REV3L: variants seen among roughly 807,000 people sequenced by gnomAD.
REV3L encodes DNA polymerase zeta catalytic subunit.
In REV3L, 69 loss-of-function variants were observed where a neutral mutation model predicts 299.4. The observed-to-expected ratio is 0.23, with a 90% CI of 0.19 to 0.28. The LOEUF is 0.28. Among genes scored for constraint, REV3L ranks in the 10% least tolerant of loss-of-function variants. REV3L has a pLI of 1.00. For synonymous variants in REV3L, 1,238 were observed against 1,271.4 expected, an observed-to-expected ratio of 0.97 and a Z score of 0.56; for missense variants, 3,128 against 3,693.8, an observed-to-expected ratio of 0.85 and a Z score of 3.97.
intron 20 of REV3L, chr6:111,349,008 G>GAA (rs35782472): frequency 0.095 from 28,334 of 297,790 alleles, 2 homozygotes; most frequent in Middle Eastern, 0.14. Context: ...TTAGACACAA[G>GAA]AAAAAAAAAA....
At chr6:111,316,572 G>T (rs1210376901) in intron 26 of REV3L, among the ~76,000 whole-genome samples, 1 of 151,306 alleles carries the variant, frequency 6.6e-6, no homozygotes, top group Non-Finnish European at 1.5e-5. Context: ...AGGCTGAGGT[G>T]GGAGAATCGC....
rs908841629 is a variant in REV3L, at chr6:111,372,459, T to C, written c.5759+137A>G. 6 of 580,054 alleles carry C rather than the reference T, an allele frequency of 1.0e-5. No homozygotes were observed. The East Asian group carries it at 2.0e-4, about 19-fold the overall frequency. 35.9% of individuals were successfully genotyped at this position (580,054 alleles called of 1,614,324 possible). A position where few individuals can be genotyped will look rare whatever the true frequency, so the allele number is the denominator to read the frequency against. On this transcript the variant is annotated intron_variant, in intron 13 of 31. Transcript: ENST00000368802. ...AGAAATACTTTCCACAATGATATAC[T>C]TACAAATACGGTATCACAGAAAACT...
intron 26 of REV3L, 92 bp from the exon 27 acceptor site, chr6:111,315,473 A>G (rs1773418000): frequency 1.1e-6 from 1 of 873,520 alleles, no homozygotes; most frequent in Non-Finnish European, 1.8e-6. Flanking sequence ...ACTCTTGTCT[A>G]ATGCCAAAGA....
intron 31 of REV3L, 103 bp downstream of exon 31, chr6:111,307,258 T>A: frequency 1.0e-6 from 1 of 976,244 alleles, no homozygotes; most frequent in Middle Eastern, 3.0e-4. Flanking sequence ...TTCATTTCAC[T>A]TTTCACACCA....
At chr6:111,404,035 C>T (rs1783363572) in intron 4 of REV3L, among the ~76,000 whole-genome samples, 1 of 152,180 alleles carries the variant, frequency 6.6e-6, no homozygotes, top group Admixed American at 6.5e-5. Flanking sequence ...GGTGGATACA[C>T]TAAATAACAG....
In REV3L at chr6:111,430,612, C is replaced by T. The variant is rs752686463; in HGVS notation, c.140-14140G>A. 3.6e-4 allele frequency: 549 copies of T among 1,528,970 alleles called. 1 individual carries two copies. Among genetic ancestry groups the T allele is most frequent in the Non-Finnish European group, 4.6e-4 (511 of 1,105,780 alleles). The allele number at this position is 1,528,970 out of a possible 1,614,324, so 94.7% of individuals were successfully genotyped here. A position where few individuals can be genotyped will look rare whatever the true frequency, so the allele number is the denominator to read the frequency against. On this transcript the variant is annotated intron_variant, in intron 1 of 31. Transcript: ENST00000368802. ...AAGCAGGAAGACAGAACAGACACCT[C>T]GCAGAGTGGGGAGGACAGAGGCTGC...
intron 21 of REV3L, among the ~76,000 whole-genome samples, chr6:111,338,661 C>G (rs972115217): frequency 6.6e-6 from 1 of 151,746 alleles, no homozygotes; most frequent in South Asian, 2.1e-4. Context: ...AAGTCTAATA[C>G]TTTATATACA....
intron 6 of REV3L, among the ~76,000 whole-genome samples, chr6:111,389,641 A>AT (rs1781695531): frequency 2.0e-5 from 3 of 151,732 alleles, no homozygotes; most frequent in African/African-American, 7.3e-5. Flanking sequence ...AGCAATCTTC[A>AT]TAACATTTTG....
intron 1 of REV3L, among the ~76,000 whole-genome samples, chr6:111,440,724 C>G (rs937865661): frequency 5.9e-5 from 9 of 152,172 alleles, no homozygotes; most frequent in South Asian, 4.1e-4. Context: ...TCACCTATAT[C>G]ATGTTCCTTT....
intron 4 of REV3L, among the ~76,000 whole-genome samples, chr6:111,394,238 C>T (rs1352448510): frequency 6.6e-6 from 1 of 152,128 alleles, no homozygotes; most frequent in Non-Finnish European, 1.5e-5. Flanking sequence ...AATGGCTGTA[C>T]TAATTTACAT....
chr6:111,372,401 T>C (rs1330916427), intron 13 of REV3L, among the ~76,000 whole-genome samples, 195 bp downstream of exon 13: 3 of 152,198 alleles, frequency 2.0e-5, no homozygotes, highest in African/African-American at 7.2e-5. Context: ...ACCATCCAGT[T>C]AGTTTTTGAA....
chr6:111,390,298 T>C, intron 5 of REV3L, 118 bp from the exon 6 acceptor site: 1 of 629,268 alleles, frequency 1.6e-6, no homozygotes, highest in Admixed American at 2.8e-5. Flanking sequence ...GATATATTAA[T>C]TCACAATTAT....
chr6:111,334,211 T>G (rs1410775847), intron 22 of REV3L, among the ~76,000 whole-genome samples: 1 of 152,240 alleles, frequency 6.6e-6, no homozygotes, highest in Admixed American at 6.5e-5. Flanking sequence ...CTGCTGGGAT[T>G]ACAGGTGTGA....
intron 3 of REV3L, among the ~76,000 whole-genome samples, chr6:111,410,584 C>G (rs2128279854): frequency 6.6e-6 from 1 of 152,236 alleles, no homozygotes; most frequent in East Asian, 1.9e-4. Context: ...TGGTACAGAA[C>G]AGAAGTTATT....
intron 1 of REV3L, among the ~76,000 whole-genome samples, chr6:111,423,965 T>G (rs1785872850): frequency 6.6e-6 from 1 of 152,168 alleles, no homozygotes; most frequent in East Asian, 1.9e-4. Context: ...ATGAAACACA[T>G]ACAGATATGG....
chr6:111,406,585 T>G (rs967517735), intron 3 of REV3L, among the ~76,000 whole-genome samples: 5 of 152,088 alleles, frequency 3.3e-5, no homozygotes, highest in Non-Finnish European at 5.9e-5. Flanking sequence ...GGTGAAATGA[T>G]CAGGCCTTGA....
chr6:111,431,082 T>C (rs770423835), intron 1 of REV3L: 1 of 1,500,288 alleles, frequency 6.7e-7, no homozygotes, highest in South Asian at 1.1e-5. Context: ...CATATGCAAA[T>C]ATCAACAAGA....
chr6:111,301,569 C>A (rs375532083), intron 31 of REV3L, among the ~76,000 whole-genome samples: 1 of 151,804 alleles, frequency 6.6e-6, no homozygotes, highest in East Asian at 1.9e-4. Context: ...GGTTCTTAAC[C>A]CTGGCTAACA....
chr6:111,363,846 G>C lies in REV3L; in HGVS notation c.6879+7C>G. On this transcript the variant is annotated splice_region_variant and intron_variant, in intron 16 of 31. Transcript: ENST00000368802. The stretch of plus-strand genomic sequence containing the variant: ...CAATGTATGTGTCCTTACTGTTGCA[G>C]TTTTACCTCATGTAAAGCTTTTGCC... 6.2e-7 allele frequency: 1 copy of C among 1,612,542 alleles called. No individual in the cohort carries two copies.
Sources: allele counts gnomAD v4.1 joint callset (sites outside exome capture counted in the v4.1 genomes callset), GRCh38; gene constraint gnomAD v4.1.1; transcripts MANE v1.5; gene names NCBI Gene and HGNC (gene_info 2026-07-23, HGNC 2026-07-21).